The following MALRD1 variants were observed in gnomAD, a reference collection of about 807,000 sequenced individuals.
MALRD1 encodes MAM and LDL receptor class A domain containing 1, also known as MAM and LDL-receptor class A domain-containing protein 1.
Under a neutral mutation model 242.1 loss-of-function variants are expected in MALRD1, and 247 were observed. The ratio of observed to expected loss-of-function variants is 1.02; its 90% CI spans 0.92 to 1.13. The LOEUF (loss-of-function observed/expected upper bound fraction) is 1.13, where lower values mean the gene tolerates loss of function less well. Ranked by LOEUF, MALRD1 falls within the 50% of genes most tolerant of loss-of-function variation. The pLI is 0.00. For synonymous variants in MALRD1, 995 were observed against 866.6 expected (o/e 1.15, Z -2.60); for missense variants, 2,989 against 2,533.1 (o/e 1.18, Z -3.86).
chr10:19,118,872 T>G (rs886162015), intron 5 of MALRD1, among the ~76,000 whole-genome samples: 2 of 152,170 alleles, frequency 1.3e-5, no homozygotes, highest in Non-Finnish European at 2.9e-5. Context: ...AGGAAGGTCA[T>G]AGTAAGGCAT....
chr10:19,124,653 A>G lies in MALRD1; in HGVS notation c.926A>G (p.Gln309Arg). 1 of 1,233,840 alleles carries G rather than the reference A, an allele frequency of 8.1e-7. No individual in the cohort carries two copies. The highest frequency in any genetic ancestry group is 1.0e-6 in the Non-Finnish European group (1 of 988,120). The allele number at this position is 1,233,840 out of a possible 1,614,324, so 76.4% of individuals were successfully genotyped here. ...TTCGAATCCACACCTCAGCAGGATC[A>G]AGGAGGTGATGATGAAGGTAGAAAA... is the stretch of plus-strand genomic sequence containing the variant. ...PAFESTPQQDQGGDDEGYYVW... is the reference protein window; with the variant it reads ...PAFESTPQQDRGGDDEGYYVW... The change falls in exon 7 of 40, where the codon CAA becomes CGA. Residue 309 changes from glutamine to arginine, a missense_variant. By Grantham distance (43) the Gln-to-Arg change is conservative (BLOSUM62 1). Transcript: ENST00000454679.
At chr10:19,392,974 A>C (rs964561874) in intron 28 of MALRD1, among the ~76,000 whole-genome samples, 1 of 152,148 alleles carries the variant, frequency 6.6e-6, no homozygotes, top group Non-Finnish European at 1.5e-5. Flanking sequence ...CCACTCCTTC[A>C]TTTTATGAGT....
In MALRD1 at chr10:19,694,998, C is replaced by T. The variant is rs561574972; in HGVS notation, c.6314+2444C>T. Among the ~76,000 whole-genome samples the T allele has an allele frequency of 2.0e-4, 30 of 152,272 alleles. 3 individuals carry two copies. The highest frequency in any genetic ancestry group is 9.7e-4 in the East Asian group (5 of 5,162). On this transcript the variant is annotated intron_variant, in intron 38 of 39. Transcript: ENST00000454679. Reference sequence around the variant, plus strand: ...CAAAAAACCAAACACCACATGTTCTCACTCACAGGTGGGAACTGAACAATG... The same window carrying T: ...CAAAAAACCAAACACCACATGTTCTTACTCACAGGTGGGAACTGAACAATG...
intron 28 of MALRD1, among the ~76,000 whole-genome samples, chr10:19,392,643 A>G (rs961103722): frequency 6.6e-6 from 1 of 152,152 alleles, no homozygotes; most frequent in Non-Finnish European, 1.5e-5. Context: ...CATTAGAGAG[A>G]TGTAACTGAA....
intron 5 of MALRD1, among the ~76,000 whole-genome samples, chr10:19,108,122 TA>T (rs1484274146): frequency 6.6e-6 from 1 of 152,194 alleles, no homozygotes; most frequent in Non-Finnish European, 1.5e-5. Context: ...GGAAATTGTA[TA>T]ATGCAAAACT....
intron 28 of MALRD1, among the ~76,000 whole-genome samples, chr10:19,444,324 G>A (rs1452402888): frequency 6.6e-6 from 1 of 152,070 alleles, no homozygotes; most frequent in African/African-American, 2.4e-5. Context: ...GGTTAATATT[G>A]TTATGTGTGA....
At chr10:19,484,258 C>T (rs547572439) in intron 29 of MALRD1, among the ~76,000 whole-genome samples, 1 of 152,206 alleles carries the variant, frequency 6.6e-6, no homozygotes, top group South Asian at 2.1e-4. Flanking sequence ...GTGCCATGTG[C>T]CCTGTGAATC....
intron 19 of MALRD1, among the ~76,000 whole-genome samples, chr10:19,276,611 T>C (rs953926311): frequency 2.6e-5 from 4 of 152,190 alleles, no homozygotes; most frequent in Non-Finnish European, 5.9e-5. Flanking sequence ...ACTCTGTCCT[T>C]CAAGATCTTC....
At chr10:19,107,484 T>A (rs1022394546) in intron 5 of MALRD1, among the ~76,000 whole-genome samples, 3 of 151,978 alleles carry the variant, frequency 2.0e-5, no homozygotes, top group African/African-American at 7.2e-5. Context: ...ATGAAATATT[T>A]TTATTCCATT....
intron 38 of MALRD1, among the ~76,000 whole-genome samples, chr10:19,709,642 G>A (rs1834018508): frequency 6.6e-6 from 1 of 152,252 alleles, no homozygotes; most frequent in Non-Finnish European, 1.5e-5. Flanking sequence ...CCTAGTTGCA[G>A]TGTAACTTGG....
intron 35 of MALRD1, among the ~76,000 whole-genome samples, chr10:19,614,881 A>G (rs1396983683): frequency 2.0e-5 from 3 of 152,024 alleles, no homozygotes; most frequent in Admixed American, 6.6e-5. Flanking sequence ...TTTGCCTGCC[A>G]TGACATGAGG....
intron 29 of MALRD1, among the ~76,000 whole-genome samples, chr10:19,472,371 G>A (rs1836538892): frequency 6.6e-6 from 1 of 151,924 alleles, no homozygotes; most frequent in Admixed American, 6.6e-5. Flanking sequence ...TTTTCTTGTA[G>A]TGTTTTTGTC....
At chr10:19,105,369 A>G (rs939916423) in intron 5 of MALRD1, among the ~76,000 whole-genome samples, 2 of 152,048 alleles carry the variant, frequency 1.3e-5, no homozygotes, top group East Asian at 1.9e-4. Flanking sequence ...ATAAAAAAGA[A>G]TCCTATTGCA....
chr10:19,498,723 G>C lies in MALRD1; in HGVS notation c.5320+77G>C, dbSNP rs977690838. 12 of 1,469,316 alleles carry C rather than the reference G, an allele frequency of 8.2e-6. No individual in the cohort carries two copies. In the East Asian group the frequency reaches 3.0e-4, roughly 37 times the overall value. 91.0% of individuals were successfully genotyped at this position (1,469,316 alleles called of 1,614,324 possible). On this transcript the variant is annotated intron_variant, in intron 31 of 39. Coordinates refer to ENST00000454679, the MANE Select transcript of MALRD1 (RefSeq NM_001142308.3). ...GCTTTAACAATTTGTGTGAATTTCAGTGTGCATTTCTTATGTGTATGTGGG... is the reference window on the plus strand; with the variant it reads ...GCTTTAACAATTTGTGTGAATTTCACTGTGCATTTCTTATGTGTATGTGGG...
At chr10:19,419,387 C>T (rs1010268594) in intron 28 of MALRD1, among the ~76,000 whole-genome samples, 11 of 152,110 alleles carry the variant, frequency 7.2e-5, no homozygotes, top group South Asian at 4.1e-4. Flanking sequence ...CTCCACCTCC[C>T]GGGTTCAAGT....
At chr10:19,177,095 G>A (rs1205258174) in intron 14 of MALRD1, among the ~76,000 whole-genome samples, 1 of 151,846 alleles carries the variant, frequency 6.6e-6, no homozygotes, top group Non-Finnish European at 1.5e-5. Context: ...TGGCCAACAT[G>A]GTGAAACCCC....
chr10:19,095,843 A>C (rs1413467509), intron 4 of MALRD1, among the ~76,000 whole-genome samples: 23 of 152,216 alleles, frequency 1.5e-4, no homozygotes, highest in Non-Finnish European at 1.5e-5. Context: ...CAAAAGCAAC[A>C]AAACCAGGCC....
intron 25 of MALRD1, among the ~76,000 whole-genome samples, chr10:19,351,497 T>C (rs1273672606): frequency 6.6e-6 from 1 of 152,196 alleles, no homozygotes; most frequent in Non-Finnish European, 1.5e-5. Context: ...TGTATTTAAA[T>C]GGAGCCCAGA....
intron 14 of MALRD1, among the ~76,000 whole-genome samples, chr10:19,180,511 G>A (rs554164048): frequency 1.3e-5 from 2 of 152,266 alleles, no homozygotes; most frequent in African/African-American, 2.4e-5. Context: ...AAATCTGGAC[G>A]TTCTCATGCG....
Sources: allele counts gnomAD v4.1 joint callset (sites outside exome capture counted in the v4.1 genomes callset), GRCh38; gene constraint gnomAD v4.1.1; transcripts MANE v1.5; gene names NCBI Gene and HGNC (gene_info 2026-07-23, HGNC 2026-07-21).